Variants in PLXDC2 observed in about 807,000 individuals in gnomAD.
The protein encoded by PLXDC2 is plexin domain containing 2.
A neutral mutation model predicts 68.9 loss-of-function variants in PLXDC2; 40 were observed. The ratio of observed to expected loss-of-function variants is 0.58; its 90% CI spans 0.45 to 0.76. PLXDC2 has a LOEUF of 0.76. Among genes scored for constraint, PLXDC2 ranks in the 30% least tolerant of loss-of-function variants. The pLI is 0.00. For synonymous variants in PLXDC2, 243 were observed against 234.2 expected, an observed-to-expected ratio of 1.04 and a Z score of -0.34; for missense variants, 644 against 661.9, an observed-to-expected ratio of 0.97 and a Z score of 0.30.
At chr10:20,043,746 C>T (rs1056199934) in intron 2 of PLXDC2, among the ~76,000 whole-genome samples, 11 of 151,922 alleles carry the variant, frequency 7.2e-5, no homozygotes, top group Admixed American at 1.3e-4. Flanking sequence ...ATTTAAACAC[C>T]GTGAATATTT....
In PLXDC2 at chr10:20,051,891, C is replaced by T. The variant is rs185756635; in HGVS notation, c.471+4876C>T. On this transcript the variant is annotated intron_variant, in intron 3 of 13. Coordinates refer to ENST00000377252, the MANE Select transcript of PLXDC2 (RefSeq NM_032812.9). ...GGCCTTATGGTCTCTGTCACAACTA[C>T]TTGACTCTACTGTTATAGCTCAATA... Among the ~76,000 whole-genome samples, 409 of 152,076 alleles carry T rather than the reference C, an allele frequency of 2.7e-3. 1 individual carries two copies. Among genetic ancestry groups the T allele is most frequent in the Non-Finnish European group, 4.8e-3 (325 of 67,960 alleles).
intron 4 of PLXDC2, among the ~76,000 whole-genome samples, chr10:20,075,812 C>T (rs1836432739): frequency 6.6e-6 from 1 of 152,178 alleles, no homozygotes; most frequent in South Asian, 2.1e-4. Flanking sequence ...GGTGGATCAG[C>T]TGAGACAAGG....
At chr10:19,998,794 G>A (rs947283054) in intron 1 of PLXDC2, among the ~76,000 whole-genome samples, 1 of 121,070 alleles carries the variant, frequency 8.3e-6, no homozygotes, top group African/African-American at 3.7e-5. Context: ...ATCATAAAAC[G>A]CTGCTAAACA....
In PLXDC2 at chr10:19,904,751, G is replaced by A. The variant is rs376722818; in HGVS notation, c.112+87560G>A. ...TGCTCTGTCTGTCCAAGCAGGAGCTGCAAGTGGTCCTGCCTTCTATCCTCC... is the reference window on the plus strand; with the variant it reads ...TGCTCTGTCTGTCCAAGCAGGAGCTACAAGTGGTCCTGCCTTCTATCCTCC... On this transcript the variant is annotated intron_variant, in intron 1 of 13. Transcript: ENST00000377252. Among the ~76,000 whole-genome samples the A allele has an allele frequency of 3.0e-4, 45 of 152,336 alleles. 1 individual carries two copies. In the East Asian group the frequency reaches 8.3e-3, roughly 28 times the overall value.
At chr10:20,178,850 T>A (rs1834563799) in intron 9 of PLXDC2, among the ~76,000 whole-genome samples, 2 of 152,130 alleles carry the variant, frequency 1.3e-5, no homozygotes, top group African/African-American at 4.8e-5. Context: ...GTGAAATTAA[T>A]TCCAAATAAT....
chr10:20,245,637 A>C, intron 13 of PLXDC2, 132 bp downstream of exon 13: 1 of 1,025,558 alleles, frequency 9.8e-7, no homozygotes, highest in Non-Finnish European at 1.4e-6. Flanking sequence ...TTTCACACAC[A>C]TGGATGTTGT....
intron 6 of PLXDC2, among the ~76,000 whole-genome samples, chr10:20,157,348 C>T (rs1834230629): frequency 6.6e-6 from 1 of 152,104 alleles, no homozygotes; most frequent in South Asian, 2.1e-4. Flanking sequence ...GCATATGATT[C>T]ACACCTTGGA....
chr10:20,081,548 A>G (rs1836558819), intron 4 of PLXDC2, among the ~76,000 whole-genome samples: 1 of 152,222 alleles, frequency 6.6e-6, no homozygotes, highest in African/African-American at 2.4e-5. Flanking sequence ...GTTTGAAATA[A>G]TAGCTGAGTG....
At chr10:20,125,742 CT>C (rs148692862) in intron 4 of PLXDC2, among the ~76,000 whole-genome samples, 2,658 of 151,720 alleles carry the variant, frequency 0.018, 75 homozygotes, top group African/African-American at 0.06. Context: ...TTTATGTTGT[CT>C]TTTTTTTAAA....
intron 1 of PLXDC2, among the ~76,000 whole-genome samples, chr10:19,881,060 A>C (rs528000607): frequency 3.5e-4 from 53 of 152,102 alleles, no homozygotes; most frequent in Non-Finnish European, 6.5e-4. Context: ...GGTTTTTTCC[A>C]ATATCCCAGT....
chr10:20,172,489 T>G (rs1238008107), intron 7 of PLXDC2, among the ~76,000 whole-genome samples: 1 of 152,146 alleles, frequency 6.6e-6, no homozygotes, highest in Non-Finnish European at 1.5e-5. Flanking sequence ...TCCTTAATTG[T>G]TTTTTCTTTT....
At chr10:19,936,174 C>G (rs913438180) in intron 1 of PLXDC2, among the ~76,000 whole-genome samples, 5 of 152,020 alleles carry the variant, frequency 3.3e-5, no homozygotes, top group African/African-American at 1.2e-4. Context: ...TAACCAGAAC[C>G]CAGATTTAAG....
intron 7 of PLXDC2, 87 bp downstream of exon 7, chr10:20,164,654 T>C: frequency 1.1e-6 from 1 of 886,572 alleles, no homozygotes; most frequent in South Asian, 1.6e-5. Context: ...GTACCTGAAT[T>C]AAAAAAAAAA....
chr10:19,856,379 G>GACACACACAC (rs34129216), intron 1 of PLXDC2, among the ~76,000 whole-genome samples: 79 of 144,226 alleles, frequency 5.5e-4, no homozygotes, highest in East Asian at 1.8e-3. Context: ...CACACACACA[G>GACACACACAC]ACACACACAC....
intron 9 of PLXDC2, among the ~76,000 whole-genome samples, chr10:20,200,146 C>A (rs891258700): frequency 6.6e-6 from 1 of 150,608 alleles, no homozygotes; most frequent in Non-Finnish European, 1.5e-5. Flanking sequence ...AAAAACAAAA[C>A]AAAAAAAATA....
intron 7 of PLXDC2, among the ~76,000 whole-genome samples, chr10:20,173,352 T>G (rs1326715469): frequency 6.6e-6 from 1 of 152,142 alleles, no homozygotes; most frequent in African/African-American, 2.4e-5. Flanking sequence ...TTAGGAGATT[T>G]CTCATATAGT....
intron 2 of PLXDC2, among the ~76,000 whole-genome samples, chr10:20,034,680 G>A (rs922995988): frequency 6.6e-6 from 1 of 152,100 alleles, no homozygotes; most frequent in African/African-American, 2.4e-5. Context: ...TGTTTTTGTT[G>A]CCATGGTTTA....
rs146038647 is a variant in PLXDC2, at chr10:20,010,290, A to C, written c.324+8304A>C. Among the ~76,000 whole-genome samples the C allele has an allele frequency of 3.8e-3, 585 of 152,290 alleles. 3 individuals are homozygous for C. The highest frequency in any genetic ancestry group is 0.013 in the African/African-American group (557 of 41,556). On this transcript the variant is annotated intron_variant, in intron 2 of 13. Transcript: ENST00000377252. ...TTTTCTGTTTGGGTAATTTGCAAAA[A>C]CACATGGATTTTAAACTTCTGATTT... is the stretch of plus-strand genomic sequence containing the variant.
chr10:20,175,033 A>C (rs528467133), intron 7 of PLXDC2, among the ~76,000 whole-genome samples: 1 of 152,096 alleles, frequency 6.6e-6, no homozygotes, highest in Non-Finnish European at 1.5e-5. Flanking sequence ...ATGGAGAAAA[A>C]TTACTAGAAG....
Sources: gnomAD v4.1 joint callset for allele counts (sites outside exome capture counted in the v4.1 genomes callset) on GRCh38, gnomAD v4.1.1 for gene constraint, MANE v1.5 for transcripts, NCBI Gene and HGNC (gene_info 2026-07-23, HGNC 2026-07-21) for gene names.